NCOA3: variants seen among roughly 807,000 people sequenced by gnomAD.
NCOA3 encodes the protein CBP-interacting protein.
A neutral mutation model predicts 158.8 loss-of-function variants in NCOA3; 51 were observed. The observed-to-expected ratio is 0.32, with a 90% confidence interval of 0.26 to 0.41. The LOEUF (loss-of-function observed/expected upper bound fraction) is 0.41. NCOA3 is among the 10% of genes least tolerant of loss of function. The pLI, the probability that NCOA3 is intolerant of heterozygous loss-of-function variation, is 1.00. For missense variants in NCOA3, 1,510 were observed against 1,746.6 expected, an observed-to-expected ratio of 0.86 and a Z score of 2.41; for synonymous variants, 537 against 592.4, an observed-to-expected ratio of 0.91 and a Z score of 1.36.
intron 1 of NCOA3, among the ~76,000 whole-genome samples, chr20:47,534,803 C>T (rs1156933276): frequency 1.3e-5 from 2 of 151,944 alleles, no homozygotes; most frequent in Non-Finnish European, 2.9e-5. Flanking sequence ...GTAGTCCCAG[C>T]TGTTGGGTGG....
chr20:47,626,876 A>G, intron 5 of NCOA3, 126 bp from the exon 6 acceptor site: 1 of 796,508 alleles, frequency 1.3e-6, no homozygotes, highest in East Asian at 2.7e-5. Flanking sequence ...TTTATCTTTA[A>G]TTACCTCCTT....
intron 1 of NCOA3, among the ~76,000 whole-genome samples, chr20:47,552,662 A>G (rs1019901814): frequency 2.0e-4 from 30 of 152,032 alleles, no homozygotes; most frequent in African/African-American, 7.0e-4. Flanking sequence ...TTTTTTTGTT[A>G]TATACGAACA....
chr20:47,620,627 A>T (rs1468533004), intron 2 of NCOA3, among the ~76,000 whole-genome samples: 1 of 151,964 alleles, frequency 6.6e-6, no homozygotes, highest in East Asian at 1.9e-4. Flanking sequence ...TATATATGCA[A>T]TTTTTCTTAA....
intron 1 of NCOA3, among the ~76,000 whole-genome samples, chr20:47,547,661 A>G (rs949026490): frequency 6.6e-6 from 1 of 151,052 alleles, no homozygotes; most frequent in African/African-American, 2.4e-5. Context: ...CTCGTGATCC[A>G]CCCGCCTCGG....
At chr20:47,648,971 CTGCT>C in intron 18 of NCOA3, 30 bp from the exon 19 acceptor site, 2 of 1,388,374 alleles carry the variant, frequency 1.4e-6, no homozygotes, top group Non-Finnish European at 2.0e-6. Context: ...CTGACGTGCT[CTGCT>C]TGCATTCTAA....
At chr20:47,568,814 G>A (rs951044463) in intron 1 of NCOA3, among the ~76,000 whole-genome samples, 1 of 151,704 alleles carries the variant, frequency 6.6e-6, no homozygotes, top group Non-Finnish European at 1.5e-5. Flanking sequence ...AAAAATTATT[G>A]CTAAAAAATG....
chr20:47,576,341 TATC>T (rs1301311217), intron 1 of NCOA3, among the ~76,000 whole-genome samples: 1 of 152,198 alleles, frequency 6.6e-6, no homozygotes, highest in African/African-American at 2.4e-5. Flanking sequence ...CAACCAGTAT[TATC>T]TTTTTACCAT....
At chr20:47,652,882 G>C (rs755001587) in intron 21 of NCOA3, 49 bp from the exon 22 acceptor site, 6 of 1,600,368 alleles carry the variant, frequency 3.7e-6, no homozygotes, top group Non-Finnish European at 4.3e-6. Flanking sequence ...CATGCCCTTT[G>C]TCGCTAAAGT....
At chr20:47,525,718 C>CG (rs2084426646) in intron 1 of NCOA3, among the ~76,000 whole-genome samples, 1 of 128,682 alleles carries the variant, frequency 7.8e-6, no homozygotes, top group Non-Finnish European at 1.6e-5. Flanking sequence ...GGGGGCTGAC[C>CG]CCCCCACCTC....
In NCOA3 at chr20:47,607,675, G is replaced by A. The variant is rs2085969555; in HGVS notation, c.-19-14554G>A. Among the ~76,000 whole-genome samples, 3 of 152,210 alleles carry A rather than the reference G, an allele frequency of 2.0e-5. No individual in the cohort carries two copies. In the East Asian group the frequency reaches 5.8e-4, roughly 29 times the overall value. Reference sequence around the variant, plus strand: ...TCTGACCCAACTTAGAACTCAGATAGGGTAGAGGAAAAATTATTTTTTTCT... The same window carrying A: ...TCTGACCCAACTTAGAACTCAGATAAGGTAGAGGAAAAATTATTTTTTTCT... On this transcript the variant is annotated intron_variant, in intron 2 of 22. Transcript: ENST00000371998.
Position 47,622,434 on chromosome 20 carries a change from T to G in NCOA3, c.83+104T>G, listed in dbSNP as rs2086256743. The G allele has an allele frequency of 6.6e-6, 5 of 753,582 alleles. No individual in the cohort carries two copies. The South Asian group carries it at 1.1e-4, about 17-fold the overall frequency. The allele number at this position is 753,582 out of a possible 1,614,324, so 46.7% of individuals were successfully genotyped here. On this transcript the variant is annotated intron_variant, in intron 3 of 22. Coordinates refer to ENST00000371998, the MANE Select transcript of NCOA3 (RefSeq NM_181659.3). Reference sequence around the variant, plus strand: ...TACATTCTCTGGTTAGATTTTTTGGTGGTTTCACTTCGTGGTAAGTAGAGT... The same window carrying G: ...TACATTCTCTGGTTAGATTTTTTGGGGGTTTCACTTCGTGGTAAGTAGAGT...
At position 47,647,308 on chromosome 20, in the gene NCOA3, G is replaced by A. The variant is rs139321788; in HGVS notation, c.3488G>A (p.Arg1163Gln). ...CCACGAGCCAACATCATGAGACCCC[G>A]GACAAACACCCCCAAGCAACTTAGA... ...MHPRANIMRPRTNTPKQLRMQ... is the reference protein window; with the variant it reads ...MHPRANIMRPQTNTPKQLRMQ... The change falls in exon 18 of 23, where the codon CGG (arginine) becomes CAG (glutamine). Residue 1163 changes from arginine (R) to glutamine (Q), a missense_variant. This residue lies in a region of NCOA3 where 1,017 missense variants were observed against 1,098.3 expected (regional missense o/e 0.93). Transcript: ENST00000371998. The A allele has an allele frequency of 7.8e-5, 126 of 1,614,012 alleles. No individual in the cohort carries two copies. The highest frequency in any genetic ancestry group is 9.7e-5 in the Non-Finnish European group (115 of 1,180,046).
chr20:47,547,476 G>A (rs2146145225), intron 1 of NCOA3, among the ~76,000 whole-genome samples: 1 of 151,736 alleles, frequency 6.6e-6, no homozygotes, highest in East Asian at 1.9e-4. Context: ...GCAGTGGTGC[G>A]ATCTCGGCTT....
rs761853828 is a variant in NCOA3, at chr20:47,651,110, GCAGCAGCAGCAA to G, written c.3786_3797del (p.Gln1273_Gln1276del). 49 of 1,607,344 alleles carry G rather than the reference GCAGCAGCAGCAA, an allele frequency of 3.0e-5. No individual in the cohort carries two copies. The African/African-American group carries it at 3.1e-4, about 10-fold the overall frequency. ...AGCAGCAACAGCAGCAGCAGCAGCA[GCAGCAGCAGCAA>G]CAGCAACAGCAACAGCAACAGCAGC... On this transcript the variant is annotated inframe_deletion, in exon 20 of 23. Coordinates refer to ENST00000371998, the MANE Select transcript of NCOA3 (RefSeq NM_181659.3).
chr20:47,531,471 C>T (rs2084546491), intron 1 of NCOA3, among the ~76,000 whole-genome samples: 1 of 152,192 alleles, frequency 6.6e-6, no homozygotes, highest in African/African-American at 2.4e-5. Context: ...TTACAGATAT[C>T]TTTCTGTGTT....
chr20:47,605,352 G>A (rs2085928335), intron 2 of NCOA3, among the ~76,000 whole-genome samples: 3 of 151,900 alleles, frequency 2.0e-5, no homozygotes, highest in African/African-American at 7.3e-5. Flanking sequence ...TTCTAATTCT[G>A]AGATATTATT....
intron 6 of NCOA3, 141 bp from the exon 7 acceptor site, chr20:47,627,420 G>A (rs1333868107): frequency 1.4e-5 from 10 of 729,412 alleles, no homozygotes; most frequent in Non-Finnish European, 2.2e-5. Flanking sequence ...CACATGTTTT[G>A]TATATTGCCA....
At chr20:47,545,316 A>G (rs1167826361) in intron 1 of NCOA3, among the ~76,000 whole-genome samples, 4 of 151,706 alleles carry the variant, frequency 2.6e-5, no homozygotes, top group Non-Finnish European at 5.9e-5. Context: ...AGCTGGAACT[A>G]CAGGCATGTA....
chr20:47,590,741 G>A (rs1178621127), intron 2 of NCOA3, among the ~76,000 whole-genome samples: 2 of 152,166 alleles, frequency 1.3e-5, no homozygotes, highest in Non-Finnish European at 1.5e-5. Flanking sequence ...ACGCTGGGAG[G>A]CTGATGCCTC....
Sources: allele counts gnomAD v4.1 joint callset (sites outside exome capture counted in the v4.1 genomes callset), GRCh38; gene constraint gnomAD v4.1.1; regional missense constraint gnomAD v4.1.1; transcripts MANE v1.5; gene names NCBI Gene and HGNC (gene_info 2026-07-23, HGNC 2026-07-21).